Variants in PARN observed in about 807,000 individuals in gnomAD.
PARN encodes the protein poly(A)-specific ribonuclease PARN.
Under a neutral mutation model 102.8 loss-of-function variants are expected in PARN, and 71 were observed. The observed-to-expected ratio is 0.69, with a 90% CI of 0.57 to 0.84. The LOEUF (loss-of-function observed/expected upper bound fraction) is 0.84, where lower values mean the gene tolerates loss of function less well. PARN is among the 40% of genes least tolerant of loss of function. PARN has a pLI of 0.00. For synonymous variants in PARN, 261 were observed against 252.9 expected (o/e 1.03, Z -0.30); for missense variants, 782 against 760.9 (o/e 1.03, Z -0.33).
At chr16:14,501,032 A>C (rs1964558299) in intron 21 of PARN, among the ~76,000 whole-genome samples, 2 of 152,104 alleles carry the variant, frequency 1.3e-5, no homozygotes, top group African/African-American at 4.8e-5. Flanking sequence ...ATTGCAAACA[A>C]AATAATTTTA....
chr16:14,464,947 C>T (rs771550122), intron 22 of PARN, among the ~76,000 whole-genome samples: 1 of 152,034 alleles, frequency 6.6e-6, no homozygotes, highest in African/African-American at 2.4e-5. Flanking sequence ...AGGTCTTTGC[C>T]ATAAGACATG....
At chr16:14,572,021 G>A (rs908110980) in intron 18 of PARN, among the ~76,000 whole-genome samples, 1 of 152,170 alleles carries the variant, frequency 6.6e-6, no homozygotes, top group Non-Finnish European at 1.5e-5. Context: ...CAACAATAAA[G>A]CTATGTTAAA....
intron 21 of PARN, among the ~76,000 whole-genome samples, chr16:14,534,374 T>C (rs777359705): frequency 2.0e-5 from 3 of 152,184 alleles, no homozygotes; most frequent in Non-Finnish European, 4.4e-5. Context: ...ATCTAGACTA[T>C]ACAAAGATAA....
At chr16:14,469,790 G>A (rs965226477) in intron 22 of PARN, among the ~76,000 whole-genome samples, 1 of 151,588 alleles carries the variant, frequency 6.6e-6, no homozygotes, top group Non-Finnish European at 1.5e-5. Flanking sequence ...TACATTTTAT[G>A]CTTTATTTCC....
rs1450726966 is a variant in PARN at position 14,493,681 on chromosome 16, A to G, written c.1481-10854T>C. ...ATCTAGGTGGGAAATGATAATCTCA[A>G]CATGAGCAGGGGCAGCAGCAAAGGC... On this transcript the variant is annotated intron_variant, in intron 21 of 23. Coordinates refer to ENST00000437198, the MANE Select transcript of PARN (RefSeq NM_002582.4). Among the ~76,000 whole-genome samples, 3 of 152,242 alleles carry G rather than the reference A, an allele frequency of 2.0e-5. No individual in the cohort carries two copies. The East Asian group carries it at 5.8e-4, about 29-fold the overall frequency.
chr16:14,530,528 G>GA (rs1966266560), intron 21 of PARN, among the ~76,000 whole-genome samples: 1 of 144,402 alleles, frequency 6.9e-6, no homozygotes, highest in Non-Finnish European at 1.5e-5. Flanking sequence ...ACAGAACCCT[G>GA]AAAAAAAGGT....
chr16:14,541,211 A>C (rs964230966), intron 21 of PARN, among the ~76,000 whole-genome samples: 2 of 151,886 alleles, frequency 1.3e-5, no homozygotes, highest in African/African-American at 4.8e-5. Context: ...ATCAAAGGTA[A>C]GGAAGTCCTT....
chr16:14,579,982 C>CAA (rs534284469), intron 18 of PARN, among the ~76,000 whole-genome samples: 5 of 114,184 alleles, frequency 4.4e-5, no homozygotes, highest in African/African-American at 1.1e-4. Context: ...GACACCATCT[C>CAA]AAAAAAAAAA....
rs1195236338 is a variant in PARN at position 14,610,764 on chromosome 16, T to C, written c.434A>G (p.Gln145Arg). Reference protein sequence around the residue: ...NQEEERQLREQYDEKRSQANG... With the variant: ...NQEEERQLRERYDEKRSQANG... ...CGCCTGTGAACGTTTTTCATCATAC[T>C]GCTCTCTTAACTGTCTTTCTTCTTC... The change falls in exon 7 of 24, where the codon CAG becomes CGG. Residue 145 changes from glutamine to arginine, a missense_variant. By Grantham distance (43) the Gln-to-Arg change is conservative. Transcript: ENST00000437198. 8 of 1,611,476 alleles carry C rather than the reference T, an allele frequency of 5.0e-6. No homozygotes were observed. In the South Asian group the frequency reaches 6.6e-5, roughly 13 times the overall value.
intron 5 of PARN, among the ~76,000 whole-genome samples, chr16:14,618,069 C>T (rs2151809557): frequency 6.6e-6 from 1 of 152,230 alleles, no homozygotes; most frequent in Non-Finnish European, 1.5e-5. Flanking sequence ...TGCCTGTAAT[C>T]CCAGCACTTT....
At chr16:14,506,362 G>A (rs1413891115) in intron 21 of PARN, among the ~76,000 whole-genome samples, 1 of 151,924 alleles carries the variant, frequency 6.6e-6, no homozygotes, top group Non-Finnish European at 1.5e-5. Context: ...AAACTGTAAG[G>A]GACATTATTA....
intron 5 of PARN, among the ~76,000 whole-genome samples, chr16:14,619,633 C>A (rs1383858113): frequency 1.3e-5 from 2 of 151,798 alleles, no homozygotes; most frequent in Non-Finnish European, 2.9e-5. Context: ...TGGTGGTTCC[C>A]ATCTGTAGTC....
At chr16:14,515,025 C>T (rs761433339) in intron 21 of PARN, among the ~76,000 whole-genome samples, 12 of 152,232 alleles carry the variant, frequency 7.9e-5, no homozygotes, top group Admixed American at 4.6e-4. Flanking sequence ...AACATCTTTA[C>T]GAATCAACAC....
chr16:14,553,719 C>T (rs777570605), intron 20 of PARN, among the ~76,000 whole-genome samples: 16 of 152,192 alleles, frequency 1.1e-4, no homozygotes, highest in Non-Finnish European at 2.1e-4. Flanking sequence ...CAGAGAAGAC[C>T]TCCCCTGCCA....
intron 13 of PARN, among the ~76,000 whole-genome samples, chr16:14,592,520 G>C (rs1970262057): frequency 6.6e-6 from 1 of 152,182 alleles, no homozygotes; most frequent in African/African-American, 2.4e-5. Context: ...AGCCAGTAGA[G>C]GAACCAAAGC....
chr16:14,437,343 A>C (rs1960748571), intron 23 of PARN, among the ~76,000 whole-genome samples: 1 of 152,170 alleles, frequency 6.6e-6, no homozygotes, highest in South Asian at 2.1e-4. Flanking sequence ...GAGAAATCTC[A>C]GGTGGGCAGC....
At chr16:14,444,211 C>T (rs1245972808) in intron 23 of PARN, among the ~76,000 whole-genome samples, 2 of 152,112 alleles carry the variant, frequency 1.3e-5, no homozygotes, top group Admixed American at 6.5e-5. Flanking sequence ...CACCTGGCAC[C>T]GTCAGGGGTC....
chr16:14,456,522 A>G (rs1596447137), intron 22 of PARN, among the ~76,000 whole-genome samples: 1 of 152,132 alleles, frequency 6.6e-6, no homozygotes, highest in African/African-American at 2.4e-5. Context: ...GTTGGCTGGA[A>G]CGTTCATGCG....
At chr16:14,518,539 T>C (rs1965575859) in intron 21 of PARN, among the ~76,000 whole-genome samples, 1 of 151,578 alleles carries the variant, frequency 6.6e-6, no homozygotes, top group Middle Eastern at 3.2e-3. Context: ...GCTTGTAAAA[T>C]AAAAAAAGCA....
Sources: gnomAD v4.1 joint callset for allele counts (sites outside exome capture counted in the v4.1 genomes callset) on GRCh38, gnomAD v4.1.1 for gene constraint, MANE v1.5 for transcripts, NCBI Gene and HGNC (gene_info 2026-07-23, HGNC 2026-07-21) for gene names.